MACROD2: variants seen among roughly 807,000 people sequenced by gnomAD.
The protein encoded by MACROD2 is ADP-ribose glycohydrolase MACROD2.
In MACROD2, 36 loss-of-function variants were observed where a neutral mutation model predicts 70.4. The ratio of observed to expected loss-of-function variants is 0.51; its 90% CI spans 0.39 to 0.68. The LOEUF (loss-of-function observed/expected upper bound fraction) is 0.68, where lower values mean the gene tolerates loss of function less well. Ranked by LOEUF, MACROD2 falls within the 30% of genes least tolerant of loss-of-function variation. The probability of loss-of-function intolerance (pLI) is 0.00; values close to 1 mark genes in which losing one functional copy is unlikely to be tolerated. For missense variants in MACROD2, 496 were observed against 538.4 expected (o/e 0.92, Z 0.78); for synonymous variants, 172 against 178.8 (o/e 0.96, Z 0.30).
chr20:14,112,848 A>G (rs1197509645), intron 3 of MACROD2, among the ~76,000 whole-genome samples: 1 of 151,974 alleles, frequency 6.6e-6, no homozygotes, highest in Admixed American at 6.6e-5. Flanking sequence ...TTATCAGTAG[A>G]TAATAGACAT....
intron 5 of MACROD2, among the ~76,000 whole-genome samples, chr20:14,731,010 TG>T (rs756360108): frequency 0.052 from 5,109 of 98,266 alleles, 116 homozygotes; most frequent in South Asian, 0.079. Flanking sequence ...CACACACACA[TG>T]CACACACACA....
intron 5 of MACROD2, among the ~76,000 whole-genome samples, chr20:14,798,583 T>C (rs2122131521): frequency 6.6e-6 from 1 of 152,272 alleles, no homozygotes; most frequent in South Asian, 2.1e-4. Flanking sequence ...GCTACCCATA[T>C]TTCATTAGTG....
chr20:14,721,781 G>T (rs2071472929), intron 5 of MACROD2, among the ~76,000 whole-genome samples: 1 of 152,134 alleles, frequency 6.6e-6, no homozygotes, highest in Non-Finnish European at 1.5e-5. Context: ...CCAACCTCAT[G>T]AATCATTATG....
chr20:15,767,382 A>G (rs1184343352), intron 8 of MACROD2, among the ~76,000 whole-genome samples: 1 of 133,896 alleles, frequency 7.5e-6, no homozygotes, highest in Non-Finnish European at 1.6e-5. Flanking sequence ...ATATTCCTAA[A>G]ATTTTGTATA....
At chr20:15,819,218 A>T (rs540982563) in intron 8 of MACROD2, among the ~76,000 whole-genome samples, 61 of 145,434 alleles carry the variant, frequency 4.2e-4, no homozygotes, top group African/African-American at 1.4e-3. Flanking sequence ...TATATATAAA[A>T]ATATATATAT....
intron 4 of MACROD2, 48 bp from the exon 5 acceptor site, chr20:14,684,795 T>G (rs757583417): frequency 9.4e-6 from 14 of 1,487,694 alleles, no homozygotes; most frequent in Admixed American, 8.4e-5. Context: ...AGCTTTATAT[T>G]TATTTCCAAA....
chr20:15,079,784 G>A (rs1303551560), intron 5 of MACROD2, among the ~76,000 whole-genome samples: 1 of 151,998 alleles, frequency 6.6e-6, no homozygotes, highest in Non-Finnish European at 1.5e-5. Flanking sequence ...ACCACACTCT[G>A]GTCTCAAGTG....
At chr20:14,521,994 C>G (rs1364892555) in intron 4 of MACROD2, among the ~76,000 whole-genome samples, 1 of 152,154 alleles carries the variant, frequency 6.6e-6, no homozygotes, top group African/African-American at 2.4e-5. Context: ...GGTTTTCAGT[C>G]TGTGCTTGGT....
chr20:14,027,424 G>T (rs1479714127), intron 2 of MACROD2, among the ~76,000 whole-genome samples: 2 of 151,992 alleles, frequency 1.3e-5, no homozygotes, highest in African/African-American at 4.8e-5. Context: ...TAGCTTGGAG[G>T]AGTTTGTTAT....
chr20:14,794,106 C>T (rs2072483390), intron 5 of MACROD2, among the ~76,000 whole-genome samples: 1 of 152,038 alleles, frequency 6.6e-6, no homozygotes, highest in Non-Finnish European at 1.5e-5. Context: ...AGCAGGGTGA[C>T]TTTATGTCCA....
chr20:15,635,875 C>A (rs2049356052), intron 8 of MACROD2, among the ~76,000 whole-genome samples: 1 of 151,860 alleles, frequency 6.6e-6, no homozygotes, highest in Non-Finnish European at 1.5e-5. Flanking sequence ...TGAGACCAGC[C>A]TGGCCAACAT....
chr20:14,578,893 T>A (rs1389304697), intron 4 of MACROD2, among the ~76,000 whole-genome samples: 3 of 152,180 alleles, frequency 2.0e-5, no homozygotes, highest in African/African-American at 4.8e-5. Context: ...TTTTCAGCTG[T>A]TTCTTCTAAG....
At chr20:15,003,531 T>C (rs1000482449) in intron 5 of MACROD2, among the ~76,000 whole-genome samples, 10 of 152,208 alleles carry the variant, frequency 6.6e-5, no homozygotes, top group African/African-American at 2.4e-4. Flanking sequence ...ATAGAGACTT[T>C]TGAAACTGTC....
intron 7 of MACROD2, among the ~76,000 whole-genome samples, chr20:15,436,518 G>A (rs2046429932): frequency 6.6e-6 from 1 of 151,412 alleles, no homozygotes; most frequent in African/African-American, 2.4e-5. Flanking sequence ...GATTTGGGTG[G>A]GGACACAGAG....
intron 6 of MACROD2, among the ~76,000 whole-genome samples, chr20:15,351,847 C>T (rs1369846899): frequency 2.6e-5 from 4 of 152,180 alleles, no homozygotes; most frequent in African/African-American, 9.7e-5. Flanking sequence ...GCCAATTCCA[C>T]AGACTTTTCT....
At chr20:15,972,922 T>G (rs1400563425) in intron 13 of MACROD2, among the ~76,000 whole-genome samples, 3 of 152,110 alleles carry the variant, frequency 2.0e-5, no homozygotes, top group Non-Finnish European at 4.4e-5. Context: ...AGAGAAGGTA[T>G]GAAAGCATAT....
intron 7 of MACROD2, among the ~76,000 whole-genome samples, chr20:15,464,906 T>A (rs926057463): frequency 6.6e-5 from 10 of 152,208 alleles, no homozygotes; most frequent in Non-Finnish European, 8.8e-5. Context: ...TAGCTCCTGG[T>A]AAATGGGCAT....
chr20:14,042,605 A>T (rs1417729180), intron 2 of MACROD2, among the ~76,000 whole-genome samples: 3 of 152,122 alleles, frequency 2.0e-5, no homozygotes, highest in Admixed American at 6.5e-5. Context: ...TCCTGGGTTT[A>T]AGCTATTCTG....
chr20:14,153,082 A>C (rs932949896), intron 3 of MACROD2, among the ~76,000 whole-genome samples: 1 of 152,196 alleles, frequency 6.6e-6, no homozygotes, highest in Non-Finnish European at 1.5e-5. Context: ...GATTGAATTG[A>C]AATGTACTGC....
Sources: gnomAD v4.1 joint callset for allele counts (sites outside exome capture counted in the v4.1 genomes callset) on GRCh38, gnomAD v4.1.1 for gene constraint, MANE v1.5 for transcripts, NCBI Gene and HGNC (gene_info 2026-07-23, HGNC 2026-07-21) for gene names.